Variants in ADGRL2 observed in about 807,000 individuals in gnomAD.
The protein encoded by ADGRL2 is adhesion G protein-coupled receptor L2.
In ADGRL2, 44 loss-of-function variants were observed where a neutral mutation model predicts 157.4. The ratio of observed to expected loss-of-function variants is 0.28; its 90% CI spans 0.22 to 0.36. ADGRL2 has a LOEUF of 0.36. Among genes scored for constraint, ADGRL2 ranks in the 10% least tolerant of loss-of-function variants. The probability of loss-of-function intolerance (pLI) is 1.00; values close to 1 mark genes in which losing one functional copy is unlikely to be tolerated. For missense variants in ADGRL2, 1,510 were observed against 1,768.9 expected, an observed-to-expected ratio of 0.85 and a Z score of 2.63; for synonymous variants, 585 against 624.7, an observed-to-expected ratio of 0.94 and a Z score of 0.95.
At chr1:81,768,614 C>T (rs2086230568) in intron 2 of ADGRL2, among the ~76,000 whole-genome samples, 1 of 151,906 alleles carries the variant, frequency 6.6e-6, no homozygotes, top group Admixed American at 6.6e-5. Flanking sequence ...GCTGGGATTA[C>T]AGGTGCATAC....
At chr1:81,840,731 A>G (rs1364006889) in intron 2 of ADGRL2, among the ~76,000 whole-genome samples, 2 of 152,178 alleles carry the variant, frequency 1.3e-5, no homozygotes, top group East Asian at 3.8e-4. Context: ...AGCCTTTCCT[A>G]CAACGTATTT....
At chr1:81,633,322 G>T (rs996184638) in intron 3 of ADGRL2, among the ~76,000 whole-genome samples, 33 of 151,982 alleles carry the variant, frequency 2.2e-4, no homozygotes, top group Admixed American at 1.9e-3. Flanking sequence ...CTGGGCGGGC[G>T]CAGTGGCTCA....
At chr1:81,613,132 C>A (rs944448247) in intron 3 of ADGRL2, among the ~76,000 whole-genome samples, 1 of 152,136 alleles carries the variant, frequency 6.6e-6, no homozygotes. Flanking sequence ...GCTGTTCAAT[C>A]CTGGGCTAGT....
Position 81,985,284 on chromosome 1 carries a change from A to AT in ADGRL2, c.3438dup (p.Thr1147TyrfsTer14). The AT allele has an allele frequency of 6.2e-7, 1 of 1,601,644 alleles. No individual in the cohort carries two copies. Among genetic ancestry groups the AT allele is most frequent in the Non-Finnish European group, 8.5e-7 (1 of 1,170,104 alleles). ...AGTCGTATAAGAAGAATGTGGAATG[A>AT]TACTGTGAGAAAACAATCAGAATCT... On this transcript the variant is annotated frameshift_variant, in exon 21 of 24. Transcript: ENST00000686636. LOFTEE classifies it high-confidence loss of function.
chr1:81,386,352 A>G (rs2076435318), intron 1 of ADGRL2, among the ~76,000 whole-genome samples: 1 of 152,096 alleles, frequency 6.6e-6, no homozygotes, highest in Non-Finnish European at 1.5e-5. Context: ...GTAACAATTG[A>G]ATTGGTTTTA....
intron 3 of ADGRL2, among the ~76,000 whole-genome samples, chr1:81,654,615 C>G (rs909553083): frequency 1.2e-4 from 19 of 152,214 alleles, no homozygotes; most frequent in Admixed American, 5.2e-4. Flanking sequence ...CAAGAGCCTT[C>G]ATGCTTTGGC....
chr1:81,623,261 T>C (rs904249403), intron 3 of ADGRL2, among the ~76,000 whole-genome samples: 2 of 152,194 alleles, frequency 1.3e-5, no homozygotes, highest in Non-Finnish European at 2.9e-5. Flanking sequence ...TTACAAGACA[T>C]TGACAGATAT....
intron 2 of ADGRL2, among the ~76,000 whole-genome samples, chr1:81,485,720 C>G (rs961268821): frequency 1.3e-5 from 2 of 152,098 alleles, no homozygotes; most frequent in South Asian, 2.1e-4. Flanking sequence ...CTAAGAAACA[C>G]TGACCCTGCT....
At chr1:81,351,950 C>A (rs935604721) in intron 1 of ADGRL2, among the ~76,000 whole-genome samples, 1 of 152,198 alleles carries the variant, frequency 6.6e-6, no homozygotes, top group African/African-American at 2.4e-5. Context: ...ATTTCAGTGG[C>A]AGGTAGCCAA....
intron 2 of ADGRL2, among the ~76,000 whole-genome samples, chr1:81,879,453 T>G (rs1449319345): frequency 6.6e-6 from 1 of 151,984 alleles, no homozygotes; most frequent in Non-Finnish European, 1.5e-5. Flanking sequence ...AGACAACTCT[T>G]AAGCCCTTTT....
At chr1:81,309,004 C>A (rs1659543205) in intron 1 of ADGRL2, among the ~76,000 whole-genome samples, 1 of 152,084 alleles carries the variant, frequency 6.6e-6, no homozygotes, top group Non-Finnish European at 1.5e-5. Flanking sequence ...TGGCTCTTTG[C>A]TGCTGCTTTT....
In ADGRL2 at chr1:81,842,181, A is replaced by G. The variant is rs377502891; in HGVS notation, c.73+5124A>G. Reference sequence around the variant, plus strand: ...GTGTAGACATGGTACAACTTTTTCAAAAGTATTTTTGGAAAAAATGATGAG... The same window carrying G: ...GTGTAGACATGGTACAACTTTTTCAGAAGTATTTTTGGAAAAAATGATGAG... On this transcript the variant is annotated intron_variant, in intron 2 of 23. Coordinates refer to ENST00000686636, the MANE Select transcript of ADGRL2 (RefSeq NM_001366006.2). Among the ~76,000 whole-genome samples the G allele has an allele frequency of 1.5e-4, 23 of 152,082 alleles. No homozygotes were observed. In the South Asian group the frequency reaches 4.8e-3, roughly 32 times the overall value.
chr1:81,669,890 T>C (rs1393042496), intron 3 of ADGRL2, among the ~76,000 whole-genome samples: 8 of 139,692 alleles, frequency 5.7e-5, no homozygotes, highest in African/African-American at 8.2e-5. Flanking sequence ...TTGCAGTGAG[T>C]CGAGATCAAG....
intron 3 of ADGRL2, among the ~76,000 whole-genome samples, chr1:81,677,837 C>T (rs2083028141): frequency 6.6e-6 from 1 of 152,118 alleles, no homozygotes; most frequent in African/African-American, 2.4e-5. Flanking sequence ...TCCTGATGAC[C>T]ATAAAACAGA....
intron 2 of ADGRL2, among the ~76,000 whole-genome samples, chr1:81,896,247 A>G (rs1461167829): frequency 6.6e-6 from 1 of 152,206 alleles, no homozygotes; most frequent in East Asian, 1.9e-4. Context: ...AATGCGAATG[A>G]CTTCAGATAT....
chr1:81,636,158 G>A (rs1345080846), intron 3 of ADGRL2, among the ~76,000 whole-genome samples: 1 of 152,118 alleles, frequency 6.6e-6, no homozygotes, highest in Non-Finnish European at 1.5e-5. Flanking sequence ...TCCCCTGGCT[G>A]CTCGGTGTTA....
At chr1:81,808,479 G>C (rs963477132) in intron 1 of ADGRL2, among the ~76,000 whole-genome samples, 10 of 150,304 alleles carry the variant, frequency 6.7e-5, no homozygotes, top group African/African-American at 2.4e-4. Flanking sequence ...TTTTTGTTTT[G>C]TTTTTATGAA....
chr1:81,794,096 T>C (rs1475921138), intron 2 of ADGRL2, among the ~76,000 whole-genome samples: 4 of 152,160 alleles, frequency 2.6e-5, no homozygotes, highest in Non-Finnish European at 5.9e-5. Flanking sequence ...TCCTCATATA[T>C]AGCAGTAACC....
At chr1:81,527,939 C>T (rs941498388) in intron 2 of ADGRL2, among the ~76,000 whole-genome samples, 1 of 151,682 alleles carries the variant, frequency 6.6e-6, no homozygotes, top group Non-Finnish European at 1.5e-5. Context: ...CGGTTGCATG[C>T]ACCTGTGGTC....
Sources: allele counts gnomAD v4.1 joint callset (sites outside exome capture counted in the v4.1 genomes callset), GRCh38; gene constraint gnomAD v4.1.1; transcripts MANE v1.5; gene names NCBI Gene and HGNC (gene_info 2026-07-23, HGNC 2026-07-21).